The following HLF variants were observed in gnomAD, a reference collection of about 807,000 sequenced individuals.
HLF encodes the protein hepatic leukemia factor.
In HLF, 3 loss-of-function variants were observed where a neutral mutation model predicts 22.6. The observed-to-expected ratio is 0.13, with a 90% CI of 0.06 to 0.34. The LOEUF (loss-of-function observed/expected upper bound fraction) is 0.34, where lower values mean the gene tolerates loss of function less well. Ranked by LOEUF, HLF falls within the 10% of genes least tolerant of loss-of-function variation. The probability of loss-of-function intolerance (pLI) is 1.00; values close to 1 mark genes in which losing one functional copy is unlikely to be tolerated. For missense variants in HLF, 299 were observed against 389.2 expected, an observed-to-expected ratio of 0.77 and a Z score of 1.95; for synonymous variants, 151 against 151.8, an observed-to-expected ratio of 0.99 and a Z score of 0.04.
At position 55,267,923 on chromosome 17, in the gene HLF, C is replaced by G. The variant is rs1486371906; in HGVS notation, c.288C>G (p.Gly96=). The change falls in exon 2 of 4, where the codon GGC becomes GGG. Residue 96 remains glycine (G), a synonymous_variant. Transcript: ENST00000226067. ...TGGAGGAGTTTTTGTCAGAAAATGG[C>G]ATTCCCCCCAGCCCATCTCAGCATG... ...MDLEEFLSEN[G]IPPSPSQHDH... 2 of 1,614,100 alleles carry G rather than the reference C, an allele frequency of 1.2e-6. No individual in the cohort carries two copies. Among genetic ancestry groups the G allele is most frequent in the Admixed American group, 1.7e-5 (1 of 60,020 alleles).
intron 2 of HLF, among the ~76,000 whole-genome samples, chr17:55,308,291 T>C (rs1904674868): frequency 6.6e-6 from 1 of 152,246 alleles, no homozygotes; most frequent in Non-Finnish European, 1.5e-5. Context: ...GTTTATTTGA[T>C]TTACTTTCAA....
intron 2 of HLF, among the ~76,000 whole-genome samples, chr17:55,269,214 A>G (rs1301015439): frequency 2.6e-5 from 4 of 152,170 alleles, no homozygotes; most frequent in African/African-American, 9.7e-5. Context: ...CGATATATTC[A>G]TATTGAAGTT....
At chr17:55,278,355 A>G (rs2080924728) in intron 2 of HLF, among the ~76,000 whole-genome samples, 1 of 152,224 alleles carries the variant, frequency 6.6e-6, no homozygotes, top group Non-Finnish European at 1.5e-5. Context: ...GGGAAGAGCA[A>G]TGCTTTCTTT....
Position 55,324,922 on chromosome 17 carries a change from G to A in HLF, c.*4043G>A, listed in dbSNP as rs1034183228. 4.3e-6 allele frequency: 1 copy of A among 231,582 alleles called. No homozygotes were observed. Among genetic ancestry groups the A allele is most frequent in the African/African-American group, 2.2e-5 (1 of 45,312 alleles). The allele number at this position is 231,582 out of a possible 1,614,324, so 14.3% of individuals were successfully genotyped here. A position where few individuals can be genotyped will look rare whatever the true frequency, so the allele number is the denominator to read the frequency against. On this transcript the variant is annotated 3_prime_UTR_variant, in exon 4 of 4. Coordinates refer to ENST00000226067, the MANE Select transcript of HLF (RefSeq NM_002126.5). ...ATTATCCTTTTGGCAACACCACAAA[G>A]ATCGCATCTGTTAAACAGGTACAAG...
intron 2 of HLF, among the ~76,000 whole-genome samples, chr17:55,282,494 T>C (rs9911233): frequency 0.067 from 10,192 of 152,290 alleles, 679 homozygotes; most frequent in East Asian, 0.34. Flanking sequence ...TGTCCATTAT[T>C]ATTTCCATTG....
Position 55,321,013 on chromosome 17 carries a change from G to C in HLF, c.*134G>C. ...AAACACAACTGACTCCCATTTTGGT[G>C]TGCATCTGTGTGTGTGTGCGTGTAT... On this transcript the variant is annotated 3_prime_UTR_variant, in exon 4 of 4. Transcript: ENST00000226067. The C allele has an allele frequency of 1.5e-6, 1 of 678,254 alleles. No individual in the cohort carries two copies. The allele number at this position is 678,254 out of a possible 1,614,324, so 42.0% of individuals were successfully genotyped here.
chr17:55,323,893 A>G lies in HLF; in HGVS notation c.*3014A>G, dbSNP rs1905357275. 1 of 229,010 alleles carries G rather than the reference A, an allele frequency of 4.4e-6. No individual in the cohort carries two copies. Among genetic ancestry groups the G allele is most frequent in the Non-Finnish European group, 8.7e-6 (1 of 115,478 alleles). The allele number at this position is 229,010 out of a possible 1,614,324, so 14.2% of individuals were successfully genotyped here. A position where few individuals can be genotyped will look rare whatever the true frequency, so the allele number is the denominator to read the frequency against. On this transcript the variant is annotated 3_prime_UTR_variant, in exon 4 of 4. Transcript: ENST00000226067. ...TAACAATGAATCCAAATCATATCAT[A>G]CTGACATCATCTAGACATGATTTGG...
intron 3 of HLF, among the ~76,000 whole-genome samples, chr17:55,315,720 A>G (rs4316816): frequency 0.025 from 3,806 of 152,308 alleles, 167 homozygotes; most frequent in African/African-American, 0.088. Flanking sequence ...ACCTGCTCCT[A>G]TCTGCATGGA....
intron 2 of HLF, among the ~76,000 whole-genome samples, chr17:55,306,068 C>A (rs1471976771): frequency 2.6e-5 from 4 of 152,040 alleles, no homozygotes; most frequent in Admixed American, 2.6e-4. Flanking sequence ...ATCAGTATTA[C>A]TGATATTACC....
At chr17:55,314,176 A>G (rs1211932235) in intron 2 of HLF, among the ~76,000 whole-genome samples, 2 of 152,168 alleles carry the variant, frequency 1.3e-5, no homozygotes, top group African/African-American at 4.8e-5. Context: ...TGGGTCTGGT[A>G]TGAAGTTCAC....
At position 55,320,647 on chromosome 17, in the gene HLF, C is replaced by G. The variant is rs751607686; in HGVS notation, c.673-17C>G. 15 of 1,610,144 alleles carry G rather than the reference C, an allele frequency of 9.3e-6. No individual in the cohort carries two copies. In the South Asian group the frequency reaches 1.7e-4, roughly 18 times the overall value. ...CTAATATCTTGTTTCTTTTTCCCTT[C>G]TGTAACTAATGAGCAGGATGACAAG... On this transcript the variant is annotated splice_polypyrimidine_tract_variant and intron_variant, in intron 3 of 3. Transcript: ENST00000226067. The surrounding 1 kb of genome is among the most constrained non-coding windows in gnomAD (Gnocchi z 4.2).
chr17:55,268,492 G>A (rs940281244), intron 2 of HLF, among the ~76,000 whole-genome samples: 1 of 152,070 alleles, frequency 6.6e-6, no homozygotes, highest in African/African-American at 2.4e-5. Context: ...CCCTAAACAC[G>A]TAGATAACAG....
chr17:55,269,519 G>A (rs1000804332), intron 2 of HLF, among the ~76,000 whole-genome samples: 4 of 152,152 alleles, frequency 2.6e-5, no homozygotes, highest in African/African-American at 7.2e-5. Flanking sequence ...GTTATGCCTC[G>A]GTCATTGTGC....
rs1340491961 is a variant in HLF at position 55,321,999 on chromosome 17, T to C, written c.*1120T>C. On this transcript the variant is annotated 3_prime_UTR_variant, in exon 4 of 4. Transcript: ENST00000226067. ...ATATATATTTTTGTGAATTATACTT[T>C]GTTGTTTTTAAAAAGAAAATCAGTT... The C allele has an allele frequency of 3.6e-5, 8 of 221,732 alleles. No individual in the cohort carries two copies. The highest frequency in any genetic ancestry group is 1.8e-5 in the Non-Finnish European group (2 of 110,670). The allele number at this position is 221,732 out of a possible 1,614,324, so 13.7% of individuals were successfully genotyped here.
chr17:55,269,775 A>G (rs927179655), intron 2 of HLF, among the ~76,000 whole-genome samples: 1 of 152,204 alleles, frequency 6.6e-6, no homozygotes, highest in African/African-American at 2.4e-5. Context: ...GTCTTCTGAA[A>G]TATCTTCGTA....
At chr17:55,267,516 T>C (rs1460160981) in intron 1 of HLF, 2 of 472,408 alleles carry the variant, frequency 4.2e-6, no homozygotes, top group South Asian at 3.8e-5. Context: ...CCTGTAGCCC[T>C]GCCCCAAGGA....
chr17:55,317,158 G>A (rs573919900), intron 3 of HLF, among the ~76,000 whole-genome samples: 43 of 151,734 alleles, frequency 2.8e-4, no homozygotes, highest in Non-Finnish European at 5.2e-4. Context: ...TAGTAGAGAC[G>A]GGATTTCACC....
Position 55,321,032 on chromosome 17 carries a change from CG to C in HLF, c.*154del, listed in dbSNP as rs1695085199. The stretch of plus-strand genomic sequence containing the variant: ...TTTGGTGTGCATCTGTGTGTGTGTG[CG>C]TGTATATGTGCTTGTGCTCATGTGT... On this transcript the variant is annotated 3_prime_UTR_variant, in exon 4 of 4. Transcript: ENST00000226067. 1 of 623,556 alleles carries C rather than the reference CG, an allele frequency of 1.6e-6. No homozygotes were observed. The highest frequency in any genetic ancestry group is 1.9e-5 in the South Asian group (1 of 52,358). The allele number at this position is 623,556 out of a possible 1,614,324, so 38.6% of individuals were successfully genotyped here.
chr17:55,293,677 G>A (rs993532932), intron 2 of HLF, among the ~76,000 whole-genome samples: 1 of 152,156 alleles, frequency 6.6e-6, no homozygotes, highest in African/African-American at 2.4e-5. Context: ...GAGCAAAATG[G>A]TGCTGGGGGC....
Sources: gnomAD v4.1 joint callset for allele counts (sites outside exome capture counted in the v4.1 genomes callset) on GRCh38, gnomAD v4.1.1 for gene constraint, Gnocchi (gnomAD v3.1) non-coding constraint, MANE v1.5 for transcripts, NCBI Gene and HGNC (gene_info 2026-07-23, HGNC 2026-07-21) for gene names.